The following NEK11 variants were observed in gnomAD, a reference collection of about 807,000 sequenced individuals.
The protein encoded by NEK11 is NIMA related kinase 11, also known as serine/threonine-protein kinase Nek11.
NEK11 carries 72 observed loss-of-function variants against 80.7 expected under a neutral mutation model. The ratio of observed to expected loss-of-function variants is 0.89; its 90% CI spans 0.74 to 1.08. The LOEUF is 1.08. NEK11 is among the 50% of genes least tolerant of loss of function. The pLI is 0.00. For missense variants in NEK11, 764 were observed against 763.6 expected (o/e 1.00, Z -0.01); for synonymous variants, 251 against 260.7 (o/e 0.96, Z 0.36).
At position 131,168,870 on chromosome 3, in the gene NEK11, A is replaced by G; in HGVS notation, c.1217A>G (p.Gln406Arg). The G allele has an allele frequency of 1.2e-6, 2 of 1,614,090 alleles. No homozygotes were observed. Among genetic ancestry groups the G allele is most frequent in the Non-Finnish European group, 1.7e-6 (2 of 1,179,984 alleles). ...AAAGGAATGGAAGAAAAGGAGGAGC[A>G]ACCTGAGGGAAGACTTTCTTGTTCA... ...HLKGMEEKEE[Q>R]PEGRLSCSPQ... The change falls in exon 13 of 18, where the codon CAA (glutamine) becomes CGA (arginine). Residue 406 changes from glutamine to arginine, a missense_variant. By Grantham distance (43) the Gln-to-Arg change is conservative. Coordinates refer to ENST00000383366, the MANE Select transcript of NEK11 (RefSeq NM_024800.5).
At chr3:131,065,808 C>T (rs1225818961) in intron 3 of NEK11, among the ~76,000 whole-genome samples, 1 of 152,152 alleles carries the variant, frequency 6.6e-6, no homozygotes, top group Non-Finnish European at 1.5e-5. Flanking sequence ...GTGAATTTCC[C>T]TTATGCCTAT....
intron 5 of NEK11, among the ~76,000 whole-genome samples, chr3:131,116,358 C>T (rs1396876521): frequency 2.6e-5 from 4 of 152,150 alleles, no homozygotes; most frequent in Non-Finnish European, 5.9e-5. Flanking sequence ...GCCACATTTT[C>T]TTAATCCAGT....
At chr3:131,256,217 C>T (rs961639075) in intron 16 of NEK11, among the ~76,000 whole-genome samples, 1 of 152,074 alleles carries the variant, frequency 6.6e-6, no homozygotes, top group Admixed American at 6.6e-5. Context: ...TTTGGATGTT[C>T]TTACCACGAT....
intron 17 of NEK11, among the ~76,000 whole-genome samples, chr3:131,292,140 A>T (rs1022370237): frequency 6.6e-6 from 1 of 152,174 alleles, no homozygotes; most frequent in Non-Finnish European, 1.5e-5. Context: ...TTGCATATGG[A>T]TGTACGGTTG....
intron 4 of NEK11, among the ~76,000 whole-genome samples, chr3:131,096,160 T>C (rs912015235): frequency 6.6e-6 from 1 of 151,910 alleles, no homozygotes; most frequent in Non-Finnish European, 1.5e-5. Flanking sequence ...CAATAGGTAG[T>C]TTTTCAACTC....
chr3:131,336,881 C>A (rs1014012328), intron 17 of NEK11, among the ~76,000 whole-genome samples: 2 of 152,226 alleles, frequency 1.3e-5, no homozygotes, highest in East Asian at 1.9e-4. Flanking sequence ...TCATCACTGG[C>A]CATCAGAGAA....
At chr3:131,133,269 C>T (rs1560566245) in intron 6 of NEK11, 1 of 455,494 alleles carries the variant, frequency 2.2e-6, no homozygotes, top group South Asian at 1.6e-5. Context: ...TACCTCTCCT[C>T]ATAACAGCTA....
intron 15 of NEK11, among the ~76,000 whole-genome samples, chr3:131,234,970 A>G (rs1054928159): frequency 6.6e-6 from 1 of 152,044 alleles, no homozygotes; most frequent in Non-Finnish European, 1.5e-5. Context: ...TTTCACCCCA[A>G]TACCAAAGCA....
At chr3:131,278,017 G>A in intron 17 of NEK11, among the ~76,000 whole-genome samples, 1 of 152,240 alleles carries the variant, frequency 6.6e-6, no homozygotes. Context: ...GTGTTGACAT[G>A]TGTTTGTGAT....
intron 17 of NEK11, among the ~76,000 whole-genome samples, chr3:131,338,257 G>A (rs913648566): frequency 4.1e-4 from 58 of 139,782 alleles, no homozygotes; most frequent in African/African-American, 2.4e-4. Flanking sequence ...GAGCCACGGC[G>A]CCCAGCTGGT....
intron 14 of NEK11, among the ~76,000 whole-genome samples, chr3:131,227,624 A>T (rs1561079900): frequency 6.6e-6 from 1 of 152,106 alleles, no homozygotes; most frequent in Non-Finnish European, 1.5e-5. Flanking sequence ...TGGAAGAAAA[A>T]TTTTAATTTT....
chr3:131,152,209 T>A (rs2089788469), intron 7 of NEK11, among the ~76,000 whole-genome samples, 179 bp from the exon 8 acceptor site: 1 of 152,120 alleles, frequency 6.6e-6, no homozygotes. Context: ...TTGGTTTTTT[T>A]TTTGGTAAAC....
At chr3:131,068,900 G>A (rs940607439) in intron 3 of NEK11, among the ~76,000 whole-genome samples, 1 of 152,146 alleles carries the variant, frequency 6.6e-6, no homozygotes, top group African/African-American at 2.4e-5. Context: ...CTTATACAGA[G>A]TTTCATTTTC....
intron 14 of NEK11, among the ~76,000 whole-genome samples, chr3:131,217,607 C>T (rs180938983): frequency 5.3e-5 from 8 of 152,240 alleles, no homozygotes; most frequent in Non-Finnish European, 1.2e-4. Context: ...TGCTAAGTTT[C>T]GGGTGAATTT....
chr3:131,200,810 G>T (rs896248643), intron 14 of NEK11, among the ~76,000 whole-genome samples: 1 of 152,140 alleles, frequency 6.6e-6, no homozygotes. Flanking sequence ...TGCAGCACCC[G>T]ATTAAAGCCT....
chr3:131,259,795 T>C (rs1277042657), intron 16 of NEK11, among the ~76,000 whole-genome samples: 1 of 152,170 alleles, frequency 6.6e-6, no homozygotes, highest in East Asian at 1.9e-4. Context: ...AAGAATTTCC[T>C]GAAGGGGCCA....
chr3:131,252,415 T>C (rs2095722084), intron 16 of NEK11, among the ~76,000 whole-genome samples: 1 of 152,096 alleles, frequency 6.6e-6, no homozygotes, highest in African/African-American at 2.4e-5. Context: ...AACCAAGAAA[T>C]TTTTAACTTC....
chr3:131,064,454 CA>C (rs1220723735), intron 3 of NEK11, among the ~76,000 whole-genome samples: 2 of 151,184 alleles, frequency 1.3e-5, no homozygotes, highest in African/African-American at 4.9e-5. Context: ...CTTATAAGAA[CA>C]ACACTTATAT....
intron 4 of NEK11, among the ~76,000 whole-genome samples, chr3:131,093,346 A>C (rs1477682641): frequency 6.6e-6 from 1 of 152,202 alleles, no homozygotes; most frequent in African/African-American, 2.4e-5. Context: ...CCCTCAATAT[A>C]GGTTTTTCCT....
Sources: gnomAD v4.1 joint callset for allele counts (sites outside exome capture counted in the v4.1 genomes callset) on GRCh38, gnomAD v4.1.1 for gene constraint, MANE v1.5 for transcripts, NCBI Gene and HGNC (gene_info 2026-07-23, HGNC 2026-07-21) for gene names.